The following CDH13 variants were observed in gnomAD, a reference collection of about 807,000 sequenced individuals.
The protein encoded by CDH13 is cadherin 13, also known as cadherin-13.
In CDH13, 24 loss-of-function variants were observed where a neutral mutation model predicts 63.8. The ratio of observed to expected loss-of-function variants is 0.38; its 90% confidence interval spans 0.27 to 0.53. The LOEUF (loss-of-function observed/expected upper bound fraction) is 0.53, where lower values mean the gene tolerates loss of function less well. CDH13 is among the 20% of genes least tolerant of loss of function. The pLI is 0.85. For missense variants in CDH13, 1,049 were observed against 903.1 expected (o/e 1.16, Z -2.07); for synonymous variants, 503 against 355.3 (o/e 1.42, Z -4.67).
At chr16:83,668,027 T>A (rs1914155589) in intron 8 of CDH13, among the ~76,000 whole-genome samples, 1 of 152,090 alleles carries the variant, frequency 6.6e-6, no homozygotes, top group Non-Finnish European at 1.5e-5. Flanking sequence ...AAGGCAAAGG[T>A]GACTGGGGTC....
intron 1 of CDH13, among the ~76,000 whole-genome samples, chr16:82,854,751 C>A (rs1310894672): frequency 1.3e-5 from 2 of 152,304 alleles, no homozygotes; most frequent in Non-Finnish European, 2.9e-5. Context: ...TATACCCCAA[C>A]TTTTACATGC....
At chr16:83,215,341 A>T (rs1319477666) in intron 4 of CDH13, among the ~76,000 whole-genome samples, 1 of 151,858 alleles carries the variant, frequency 6.6e-6, no homozygotes, top group Admixed American at 6.6e-5. Context: ...GGCCTCTCAA[A>T]GTGCTGGGAT....
intron 2 of CDH13, among the ~76,000 whole-genome samples, chr16:82,971,624 A>C (rs1254792406): frequency 6.6e-6 from 1 of 152,210 alleles, no homozygotes; most frequent in Admixed American, 6.5e-5. Context: ...TTAAATGACA[A>C]GATGGCTGGG....
At chr16:82,977,070 A>C (rs963313946) in intron 2 of CDH13, among the ~76,000 whole-genome samples, 5 of 152,198 alleles carry the variant, frequency 3.3e-5, no homozygotes, top group Admixed American at 6.5e-5. Flanking sequence ...TTTTAAAACA[A>C]CTAAATATAC....
chr16:83,671,723 A>G (rs765795125), intron 9 of CDH13, among the ~76,000 whole-genome samples: 21 of 152,322 alleles, frequency 1.4e-4, no homozygotes, highest in Admixed American at 4.6e-4. Context: ...CACACACAAC[A>G]TAGTTATTGG....
chr16:82,800,860 G>C (rs1433785183), intron 1 of CDH13, among the ~76,000 whole-genome samples: 1 of 152,152 alleles, frequency 6.6e-6, no homozygotes, highest in East Asian at 1.9e-4. Context: ...TTTGTAGTCA[G>C]TATTCAATTA....
intron 4 of CDH13, chr16:83,180,850 G>A (rs543459749): frequency 4.0e-6 from 6 of 1,485,642 alleles, no homozygotes; most frequent in Non-Finnish European, 5.4e-6. Context: ...ACAACAAAAT[G>A]TGTTTTTTTT....
At chr16:82,667,980 A>G (rs1216022572) in intron 1 of CDH13, among the ~76,000 whole-genome samples, 2 of 152,144 alleles carry the variant, frequency 1.3e-5, no homozygotes, top group African/African-American at 4.8e-5. Flanking sequence ...TCTCGTCTCT[A>G]CTTGAATGTT....
At chr16:82,968,257 C>T (rs1024535500) in intron 2 of CDH13, among the ~76,000 whole-genome samples, 14 of 152,162 alleles carry the variant, frequency 9.2e-5, no homozygotes, top group Non-Finnish European at 1.5e-4. Context: ...ATTCAAGTAT[C>T]CTAGCACGTC....
At chr16:82,888,192 C>T (rs2040957641) in intron 2 of CDH13, among the ~76,000 whole-genome samples, 3 of 152,202 alleles carry the variant, frequency 2.0e-5, no homozygotes, top group Admixed American at 6.5e-5. Context: ...CGATTTGTAT[C>T]CTCTATGACC....
intron 3 of CDH13, 192 bp downstream of exon 3, chr16:83,032,410 T>A: frequency 1.7e-6 from 1 of 582,094 alleles, no homozygotes; most frequent in South Asian, 2.1e-5. Flanking sequence ...TGTAACTAAT[T>A]GAGGCATAGT....
At chr16:82,846,109 A>G (rs953961861) in intron 1 of CDH13, among the ~76,000 whole-genome samples, 1 of 152,196 alleles carries the variant, frequency 6.6e-6, no homozygotes, top group African/African-American at 2.4e-5. Context: ...TTTCTGCCAA[A>G]TGGCTCCCTG....
At chr16:83,010,030 G>T (rs1913960125) in intron 2 of CDH13, among the ~76,000 whole-genome samples, 2 of 151,166 alleles carry the variant, frequency 1.3e-5, no homozygotes, top group South Asian at 4.2e-4. Flanking sequence ...AGCTACTCAG[G>T]AGGCTGAGGC....
At chr16:82,869,323 G>T (rs1408929039) in intron 2 of CDH13, among the ~76,000 whole-genome samples, 2 of 151,930 alleles carry the variant, frequency 1.3e-5, no homozygotes, top group Admixed American at 1.3e-4. Context: ...TGGGTTAGGT[G>T]TGAACCACTG....
chr16:83,678,447 G>T lies in CDH13; in HGVS notation c.1524G>T (p.Gln508His). 6.2e-7 allele frequency: 1 copy of T among 1,613,972 alleles called. No homozygotes were observed. Among genetic ancestry groups the T allele is most frequent in the East Asian group, 2.2e-5 (1 of 44,866 alleles). ...ATGCCACGGACCCCGACTCCCTGCA[G>T]CATCAAACCATCAGGTGGGTGAGTG... ...TVNATDPDSL[Q>H]HQTIRYSVYK... The change falls in exon 10 of 14, where the codon CAG becomes CAT. Residue 508 changes from glutamine to histidine, a missense_variant. Physicochemically the swap from Gln to His is conservative, Grantham distance 24. Coordinates refer to ENST00000567109, the MANE Select transcript of CDH13 (RefSeq NM_001257.5).
rs2075572836 is a variant in CDH13, at chr16:83,554,889, T to C, written c.961-47565T>C. On this transcript the variant is annotated intron_variant, in intron 7 of 13. Transcript: ENST00000567109. ...ACATACAAAGTTACTGCAGCACATG[T>C]ATTCCCATTGCAATGCCCTACTGCT... Among the ~76,000 whole-genome samples, 3 of 151,844 alleles carry C rather than the reference T, an allele frequency of 2.0e-5. No individual in the cohort carries two copies. The South Asian group carries it at 6.3e-4, about 32-fold the overall frequency.
At chr16:83,473,321 A>G (rs1298431200) in intron 6 of CDH13, among the ~76,000 whole-genome samples, 1 of 152,250 alleles carries the variant, frequency 6.6e-6, no homozygotes, top group African/African-American at 2.4e-5. Context: ...AAGTTGGAGA[A>G]CACATGTTTG....
At chr16:83,477,121 G>A (rs1416230829) in intron 6 of CDH13, among the ~76,000 whole-genome samples, 2 of 152,120 alleles carry the variant, frequency 1.3e-5, no homozygotes, top group Non-Finnish European at 2.9e-5. Context: ...CAGAAAGAAG[G>A]GCAGACACTG....
chr16:83,434,719 T>C (rs2072233639), intron 6 of CDH13, among the ~76,000 whole-genome samples: 1 of 151,758 alleles, frequency 6.6e-6, no homozygotes, highest in South Asian at 2.1e-4. Flanking sequence ...TCAATATGTC[T>C]GCAATCTGTT....
Sources: allele counts gnomAD v4.1 joint callset (sites outside exome capture counted in the v4.1 genomes callset), GRCh38; gene constraint gnomAD v4.1.1; transcripts MANE v1.5; gene names NCBI Gene and HGNC (gene_info 2026-07-23, HGNC 2026-07-21).